CDC42BPA: variants seen among roughly 807,000 people sequenced by gnomAD.
CDC42BPA encodes the protein serine/threonine-protein kinase MRCK alpha.
In CDC42BPA, 80 loss-of-function variants were observed where a neutral mutation model predicts 223.5. The observed-to-expected ratio is 0.36, with a 90% confidence interval of 0.30 to 0.43. CDC42BPA has a LOEUF of 0.43. Among genes scored for constraint, CDC42BPA ranks in the 20% least tolerant of loss-of-function variants. CDC42BPA has a pLI of 1.00. For synonymous variants in CDC42BPA, 694 were observed against 718.6 expected (o/e 0.97, Z 0.55); for missense variants, 1,743 against 2,099.9 (o/e 0.83, Z 3.32).
chr1:227,150,085 A>G (rs917256524), intron 6 of CDC42BPA, among the ~76,000 whole-genome samples: 2 of 151,924 alleles, frequency 1.3e-5, no homozygotes, highest in African/African-American at 4.8e-5. Flanking sequence ...TTAGCTGGAC[A>G]TGGTGGCACA....
intron 13 of CDC42BPA, 54 bp from the exon 14 acceptor site, chr1:227,112,476 A>AAAACATTT (rs1472926115): frequency 2.2e-6 from 3 of 1,344,442 alleles, no homozygotes; most frequent in Non-Finnish European, 3.1e-6. Flanking sequence ...TTTTCCAAAC[A>AAAACATTT]AAACATTTAT....
At chr1:227,221,869 C>G (rs541132774) in intron 2 of CDC42BPA, among the ~76,000 whole-genome samples, 2 of 151,672 alleles carry the variant, frequency 1.3e-5, no homozygotes, top group South Asian at 4.2e-4. Flanking sequence ...GCCATAAAAC[C>G]TAAAAATATT....
intron 18 of CDC42BPA, 102 bp from the exon 19 acceptor site, chr1:227,074,114 C>T (rs1178596616): frequency 1.6e-5 from 23 of 1,419,412 alleles, no homozygotes; most frequent in South Asian, 1.5e-4. Flanking sequence ...TGGAAAAGAC[C>T]CAAACTAATA....
chr1:227,165,986 A>G (rs1264222236), intron 5 of CDC42BPA, among the ~76,000 whole-genome samples: 2 of 152,212 alleles, frequency 1.3e-5, no homozygotes, highest in Admixed American at 6.5e-5. Flanking sequence ...AAAGAATATG[A>G]AAATGTTTTC....
chr1:227,176,806 T>C (rs1667029936), intron 5 of CDC42BPA, among the ~76,000 whole-genome samples: 1 of 152,168 alleles, frequency 6.6e-6, no homozygotes, highest in Non-Finnish European at 1.5e-5. Context: ...CTAAAATTCT[T>C]GTATTTGATA....
At chr1:227,238,116 G>A (rs1334493021) in intron 2 of CDC42BPA, among the ~76,000 whole-genome samples, 1 of 151,604 alleles carries the variant, frequency 6.6e-6, no homozygotes, top group Non-Finnish European at 1.5e-5. Flanking sequence ...ACTTTGGGAG[G>A]CATAGGCAGG....
intron 2 of CDC42BPA, among the ~76,000 whole-genome samples, chr1:227,230,818 T>G (rs1558820999): frequency 1.3e-5 from 1 of 78,206 alleles, no homozygotes; most frequent in East Asian, 3.1e-4. Context: ...TTTTCTTTCT[T>G]TCTTTTTTTT....
chr1:227,258,333 C>T (rs1386035164), intron 1 of CDC42BPA, among the ~76,000 whole-genome samples: 1 of 150,642 alleles, frequency 6.6e-6, no homozygotes, highest in African/African-American at 2.5e-5. Context: ...GCTCCCCCAC[C>T]CAGACTAAAT....
intron 11 of CDC42BPA, among the ~76,000 whole-genome samples, chr1:227,120,184 A>G (rs77857237): frequency 6.6e-6 from 1 of 151,972 alleles, no homozygotes; most frequent in East Asian, 1.9e-4. Context: ...AAAAAAAAAA[A>G]GCATGCTTCC....
intron 30 of CDC42BPA, among the ~76,000 whole-genome samples, chr1:227,027,301 A>AT (rs1056104167): frequency 2.0e-5 from 3 of 152,092 alleles, no homozygotes; most frequent in African/African-American, 7.2e-5. Flanking sequence ...AGACTTTCTG[A>AT]TTTTTCTGTA....
chr1:227,144,785 T>C (rs1479629451), intron 8 of CDC42BPA, among the ~76,000 whole-genome samples: 1 of 152,136 alleles, frequency 6.6e-6, no homozygotes, highest in Non-Finnish European at 1.5e-5. Flanking sequence ...AATAATTGGC[T>C]TGAGGTCTGT....
At chr1:227,032,142 T>C (rs1226821622) in intron 27 of CDC42BPA, among the ~76,000 whole-genome samples, 3 of 152,188 alleles carry the variant, frequency 2.0e-5, no homozygotes, top group Non-Finnish European at 4.4e-5. Context: ...TAAATTAATA[T>C]TTAAATGAAG....
chr1:227,290,327 C>T (rs4339829), intron 1 of CDC42BPA, among the ~76,000 whole-genome samples: 29,931 of 152,162 alleles, frequency 0.2, 3,032 homozygotes, highest in East Asian at 0.26. Context: ...AAAGTAATCT[C>T]TCTCTACTGC....
chr1:227,295,660 A>G (rs1690527218), intron 1 of CDC42BPA, among the ~76,000 whole-genome samples: 1 of 152,208 alleles, frequency 6.6e-6, no homozygotes, highest in African/African-American at 2.4e-5. Flanking sequence ...AGTAAAAGAC[A>G]TTTGAAGGTC....
At position 227,182,682 on chromosome 1, in the gene CDC42BPA, T is replaced by C. The variant is rs904839027; in HGVS notation, c.599+11104A>G. ...AATATTAGGTGTCAGTGTGACTGGA[T>C]TGAAGGATGCCTAATTGGCTGGTAA... On this transcript the variant is annotated intron_variant, in intron 5 of 36. Transcript: ENST00000366766. 4.6e-5 allele frequency among the ~76,000 whole-genome samples: 7 copies of C among 152,164 alleles called. No individual in the cohort carries two copies. In the East Asian group the frequency reaches 5.8e-4, roughly 13 times the overall value.
Position 227,017,020 on chromosome 1 carries a change from G to A in CDC42BPA, c.4646C>T (p.Ser1549Leu). The change falls in exon 33 of 37, where the codon TCA becomes TTA. Residue 1549 changes from serine to leucine, a missense_variant. Coordinates refer to ENST00000366766, the MANE Select transcript of CDC42BPA (RefSeq NM_001394014.1). ...AACCATTTGTTTCCGACTATTATCTGATGTTTCAGGTACTACCAGTTCGTC... is the reference window on the plus strand; with the variant it reads ...AACCATTTGTTTCCGACTATTATCTAATGTTTCAGGTACTACCAGTTCGTC... ...EGDELVVPET[S>L]DNSRKQMVRN... 1 of 1,612,918 alleles carries A rather than the reference G, an allele frequency of 6.2e-7. No homozygotes were observed. The highest frequency in any genetic ancestry group is 8.5e-7 in the Non-Finnish European group (1 of 1,179,326).
chr1:227,133,103 G>T (rs1161449246), intron 10 of CDC42BPA, among the ~76,000 whole-genome samples: 4 of 126,384 alleles, frequency 3.2e-5, no homozygotes, highest in Admixed American at 3.1e-4. Flanking sequence ...TCAGCCCCCC[G>T]CCCGGCCAGC....
rs111842198 is a variant in CDC42BPA at position 227,238,348 on chromosome 1, AAAACAAAC to A, written c.270+15708_270+15715del. ...ACTGGCGAGACCCTGTCTCATTAAA[AAAACAAAC>A]AAACAAACAAACACGACATCTAAAC... On this transcript the variant is annotated intron_variant, in intron 2 of 36. Coordinates refer to ENST00000366766, the MANE Select transcript of CDC42BPA (RefSeq NM_001394014.1). Among the ~76,000 whole-genome samples, 9 of 151,314 alleles carry A rather than the reference AAAACAAAC, an allele frequency of 5.9e-5. No individual in the cohort carries two copies. The East Asian group carries it at 1.2e-3, about 19-fold the overall frequency.
At chr1:227,153,618 C>T (rs1440912319) in intron 6 of CDC42BPA, among the ~76,000 whole-genome samples, 3 of 151,698 alleles carry the variant, frequency 2.0e-5, no homozygotes, top group Non-Finnish European at 3.0e-5. Context: ...TACTTTATGG[C>T]AATACAATTG....
Sources: gnomAD v4.1 joint callset for allele counts (sites outside exome capture counted in the v4.1 genomes callset) on GRCh38, gnomAD v4.1.1 for gene constraint, MANE v1.5 for transcripts, NCBI Gene and HGNC (gene_info 2026-07-23, HGNC 2026-07-21) for gene names.